The following LRP5 variants were observed in gnomAD, a reference collection of about 807,000 sequenced individuals.
LRP5 encodes the protein low-density lipoprotein receptor-related protein 5.
Under a neutral mutation model 154.1 loss-of-function variants are expected in LRP5, and 62 were observed. The ratio of observed to expected loss-of-function variants is 0.40; its 90% CI spans 0.33 to 0.50. The LOEUF is 0.50. LRP5 is among the 20% of genes least tolerant of loss of function. The pLI is 0.55. For synonymous variants in LRP5, 966 were observed against 1,011.5 expected, an observed-to-expected ratio of 0.96 and a Z score of 0.85; for missense variants, 1,915 against 2,336.7, an observed-to-expected ratio of 0.82 and a Z score of 3.72.
intron 21 of LRP5, among the ~76,000 whole-genome samples, chr11:68,445,323 C>T (rs2098680815): frequency 6.6e-6 from 1 of 152,180 alleles, no homozygotes. Flanking sequence ...TGGTCTCGAA[C>T]TCCTGACCTC....
chr11:68,321,569 G>A (rs2098596798), intron 1 of LRP5, among the ~76,000 whole-genome samples: 1 of 152,084 alleles, frequency 6.6e-6, no homozygotes, highest in Non-Finnish European at 1.5e-5. Flanking sequence ...GACATTTGTG[G>A]GTTTTGCTGA....
chr11:68,338,687 G>A (rs535455097), intron 1 of LRP5, among the ~76,000 whole-genome samples: 82 of 152,194 alleles, frequency 5.4e-4, no homozygotes, highest in Admixed American at 2.4e-3. Flanking sequence ...CCTGAATCCC[G>A]GATTGAAGAA....
chr11:68,392,206 T>C (rs1422545156), intron 7 of LRP5, among the ~76,000 whole-genome samples: 1 of 152,202 alleles, frequency 6.6e-6, no homozygotes, highest in Non-Finnish European at 1.5e-5. Flanking sequence ...TTAACCATTT[T>C]AAAGTGAACA....
intron 5 of LRP5, among the ~76,000 whole-genome samples, chr11:68,382,756 C>G (rs986188654): frequency 1.3e-5 from 2 of 152,104 alleles, no homozygotes; most frequent in Non-Finnish European, 2.9e-5. Flanking sequence ...TTTCCTCTTG[C>G]GGCTGTGTGT....
At chr11:68,349,269 G>C (rs2098616361) in intron 2 of LRP5, among the ~76,000 whole-genome samples, 1 of 151,968 alleles carries the variant, frequency 6.6e-6, no homozygotes, top group African/African-American at 2.4e-5. Flanking sequence ...CTGACCTCAG[G>C]TGATCCACCC....
chr11:68,443,501 AAAAAAAGAAAAG>A (rs1478393323), intron 21 of LRP5, among the ~76,000 whole-genome samples: 60 of 134,838 alleles, frequency 4.4e-4, no homozygotes, highest in Non-Finnish European at 6.8e-4. Context: ...AAAAAAAAAA[AAAAAAAGAAAAG>A]AAAAGAAATT....
At chr11:68,349,453 G>A (rs1443559877) in intron 2 of LRP5, among the ~76,000 whole-genome samples, 1 of 152,296 alleles carries the variant, frequency 6.6e-6, no homozygotes, top group East Asian at 1.9e-4. Flanking sequence ...AAGTGCGGAC[G>A]CTCAGGCAGG....
At chr11:68,411,710 C>A in intron 11 of LRP5, 90 bp downstream of exon 11, 1 of 1,346,582 alleles carries the variant, frequency 7.4e-7, no homozygotes, top group East Asian at 2.5e-5. Flanking sequence ...ACCCTGTGGC[C>A]TGCAAGTTCC....
In LRP5 at chr11:68,443,108, T is replaced by G. The variant is rs76450379; in HGVS notation, c.4488+3192T>G. On this transcript the variant is annotated intron_variant, in intron 21 of 22. Transcript: ENST00000294304. ...ACTGGCAAAACGGTCCCTGGCACCC[T>G]TTCTCTCCACCTGTCTAATATAGAG... is the stretch of plus-strand genomic sequence containing the variant. 2.7e-3 allele frequency among the ~76,000 whole-genome samples: 418 copies of G among 152,294 alleles called. No homozygotes were observed. In the East Asian group the frequency reaches 0.028, roughly 10 times the overall value.
chr11:68,387,988 G>C (rs1372911990), intron 6 of LRP5, among the ~76,000 whole-genome samples: 2 of 152,164 alleles, frequency 1.3e-5, no homozygotes, highest in African/African-American at 4.8e-5. Flanking sequence ...TGGCCGGGGA[G>C]CTTTTCCTGC....
At chr11:68,369,186 G>A (rs1175890945) in intron 5 of LRP5, among the ~76,000 whole-genome samples, 1 of 152,042 alleles carries the variant, frequency 6.6e-6, no homozygotes, top group African/African-American at 2.4e-5. Context: ...TCATCCTCCC[G>A]CTATGGGGCG....
intron 1 of LRP5, among the ~76,000 whole-genome samples, chr11:68,327,916 ATTC>A (rs2098600622): frequency 6.6e-6 from 1 of 152,166 alleles, no homozygotes; most frequent in African/African-American, 2.4e-5. Context: ...GCTTCTCCAA[ATTC>A]TTCTTAACTT....
At chr11:68,328,522 G>A (rs753410254) in intron 1 of LRP5, among the ~76,000 whole-genome samples, 1 of 152,188 alleles carries the variant, frequency 6.6e-6, no homozygotes, top group East Asian at 1.9e-4. Flanking sequence ...GCTTCCCTCT[G>A]CAGTGGGCAT....
chr11:68,427,161 C>G (rs1405255225), intron 16 of LRP5, among the ~76,000 whole-genome samples: 2 of 152,176 alleles, frequency 1.3e-5, no homozygotes, highest in East Asian at 3.9e-4. Context: ...TGCAGAATCC[C>G]TTCTGCCACA....
At chr11:68,426,299 G>A in intron 16 of LRP5, 112 bp downstream of exon 16, 1 of 874,814 alleles carries the variant, frequency 1.1e-6, no homozygotes, top group Non-Finnish European at 1.7e-6. Context: ...GGTGGTCTCT[G>A]CCAGATGCCA....
rs2153174400 is a variant in LRP5 at position 68,426,053 on chromosome 11, A to G, written c.3503A>G (p.Tyr1168Cys). Residue 1168 changes from tyrosine (Y) to cysteine (C), a missense_variant, in exon 16 of 23, where the codon TAC (tyrosine) becomes TGC (cysteine). Physicochemically the swap from Tyr to Cys is radical, Grantham distance 194. Transcript: ENST00000294304. ...CTGACCATCCTTGGCAAGCATCTCTACTGGATCGACCGCCAGCAGCAGATG... is the reference window on the plus strand; with the variant it reads ...CTGACCATCCTTGGCAAGCATCTCTGCTGGATCGACCGCCAGCAGCAGATG... ...LGLTILGKHL[Y>C]WIDRQQQMIE... is the part of the protein sequence containing the mutation. 1.9e-6 allele frequency: 3 copies of G among 1,613,700 alleles called. No homozygotes were observed. Among genetic ancestry groups the G allele is most frequent in the South Asian group, 1.1e-5 (1 of 91,090 alleles).
At chr11:68,343,800 T>C (rs2098610531) in intron 1 of LRP5, among the ~76,000 whole-genome samples, 1 of 152,102 alleles carries the variant, frequency 6.6e-6, no homozygotes, top group Non-Finnish European at 1.5e-5. Context: ...TGGGCGTGAT[T>C]CCTGTGTGCC....
intron 4 of LRP5, among the ~76,000 whole-genome samples, chr11:68,364,181 C>T (rs1286979956): frequency 6.6e-6 from 1 of 151,728 alleles, no homozygotes; most frequent in Admixed American, 6.6e-5. Flanking sequence ...GCAGAGGACC[C>T]CTCTGCAGAG....
At chr11:68,368,007 C>T (rs1403261308) in intron 5 of LRP5, among the ~76,000 whole-genome samples, 1 of 148,212 alleles carries the variant, frequency 6.7e-6, no homozygotes, top group Non-Finnish European at 1.5e-5. Context: ...GGAGGTTGCA[C>T]TGAGCCAAGA....
Sources: gnomAD v4.1 joint callset for allele counts (sites outside exome capture counted in the v4.1 genomes callset) on GRCh38, gnomAD v4.1.1 for gene constraint, MANE v1.5 for transcripts, NCBI Gene and HGNC (gene_info 2026-07-23, HGNC 2026-07-21) for gene names.